RNASE11: variants seen among roughly 807,000 people sequenced by gnomAD.
The protein encoded by RNASE11 is ribonuclease A family member 11 (inactive).
For missense variants in RNASE11, 252 were observed against 237.8 expected (o/e 1.06, Z -0.39); for synonymous variants, 105 against 86.1 (o/e 1.22, Z -1.21).
Position 20,587,506 on chromosome 14 carries a change from T to C in RNASE11, c.-23+57A>G, listed in dbSNP as rs1181825706. The C allele has an allele frequency of 5.3e-5, 48 of 912,332 alleles. 1 individual carries two copies. The highest frequency in any genetic ancestry group is 9.2e-6 in the Non-Finnish European group (7 of 763,328). 56.5% of individuals were successfully genotyped at this position (912,332 alleles called of 1,614,324 possible). A position where few individuals can be genotyped will look rare whatever the true frequency, so the allele number is the denominator to read the frequency against. On this transcript the variant is annotated intron_variant, in intron 1 of 1. Transcript: ENST00000553849. The stretch of plus-strand genomic sequence containing the variant: ...GATGCATTTCATCCACTTCAAAGTT[T>C]TGCCCAAAAAATGATGCTACCAAGG...
At chr14:20,583,750 G>C (rs1045969899) in exon 2 of RNASE11, 1 of 1,084,942 alleles carries the variant, frequency 9.2e-7, no homozygotes, top group Non-Finnish European at 1.3e-6. Flanking sequence ...CACTCCTCCA[G>C]TTAGAATAAA....
intron 1 of RNASE11, among the ~76,000 whole-genome samples, chr14:20,586,126 G>C (rs1884428727): frequency 6.6e-6 from 1 of 152,220 alleles, no homozygotes; most frequent in South Asian, 2.1e-4. Flanking sequence ...GAGCCCAGGA[G>C]CCAATGCTCC....
chr14:20,587,770 A>G (rs1480442920), upstream of RNASE11: 3 of 985,392 alleles, frequency 3.0e-6, no homozygotes, highest in Non-Finnish European at 3.6e-6. Context: ...TTCACTTACG[A>G]TTATCCCCCA....
chr14:20,584,425 T>C (rs773727923), exon 2 of RNASE11: 11 of 1,612,718 alleles, frequency 6.8e-6, no homozygotes, highest in Non-Finnish European at 6.8e-6. Flanking sequence ...TTCTGATGCT[T>C]CTGCAAGAAC....
chr14:20,587,038 A>G (rs1190881053), intron 1 of RNASE11, among the ~76,000 whole-genome samples: 1 of 152,212 alleles, frequency 6.6e-6, no homozygotes, highest in East Asian at 1.9e-4. Flanking sequence ...CTATAGTCCC[A>G]GCCACTCGGG....
At chr14:20,588,628 G>C (rs1157758315), upstream of RNASE11, among the ~76,000 whole-genome samples, 1 of 152,124 alleles carries the variant, frequency 6.6e-6, no homozygotes, top group African/African-American at 2.4e-5. Context: ...CTTTAAAAAA[G>C]ACCCTAAGAG....
chr14:20,587,746 G>A, upstream of RNASE11: 1 of 985,418 alleles, frequency 1.0e-6, no homozygotes, highest in East Asian at 1.1e-4. Flanking sequence ...TACTCACAAG[G>A]TTGCAAACTG....
intron 1 of RNASE11, 144 bp from the exon 3 acceptor site, chr14:20,584,640 AAGACAATC>A (rs1313562024): frequency 1.7e-6 from 1 of 590,858 alleles, no homozygotes; most frequent in Non-Finnish European, 2.8e-6. Context: ...ATATAATAGA[AAGACAATC>A]AGCTGTGGAG....
At chr14:20,589,350 T>A (rs1594474481), upstream of RNASE11, among the ~76,000 whole-genome samples, 3 of 150,218 alleles carry the variant, frequency 2.0e-5, no homozygotes, top group Non-Finnish European at 4.4e-5. Context: ...GCCTCCTGGG[T>A]TCACGCCATT....
upstream of RNASE11, chr14:20,588,004 C>T: frequency 5.3e-6 from 1 of 187,358 alleles, no homozygotes; most frequent in Non-Finnish European, 1.0e-5. Flanking sequence ...GAGTCTCTAG[C>T]TCTCACATAC....
chr14:20,590,223 C>G, upstream of RNASE11: 2 of 1,587,264 alleles, frequency 1.3e-6, no homozygotes, highest in Non-Finnish European at 8.6e-7. Flanking sequence ...GCCTCAGGCA[C>G]AGCCAGCTCC....
At chr14:20,590,214 C>T (rs181447538), upstream of RNASE11, 1,368 of 1,579,470 alleles carry the variant, frequency 8.7e-4, 4 homozygotes, top group Non-Finnish European at 1.0e-3. Flanking sequence ...TCCAGGTCTG[C>T]CTCAGGCACA....
chr14:20,582,896 C>T (rs888255144), downstream of RNASE11: 2 of 152,114 alleles, frequency 1.3e-5, no homozygotes, highest in African/African-American at 4.8e-5. Context: ...ACATAATTTA[C>T]ATACATTTAC....
chr14:20,585,265 C>G (rs1399481039), intron 1 of RNASE11: 1 of 154,464 alleles, frequency 6.5e-6, no homozygotes, highest in Non-Finnish European at 1.4e-5. Context: ...ATGACCTGGG[C>G]AGTACCATTG....
chr14:20,586,386 ACTT>A (rs1884434032), intron 1 of RNASE11, among the ~76,000 whole-genome samples: 2 of 151,960 alleles, frequency 1.3e-5, no homozygotes, highest in African/African-American at 2.4e-5. Context: ...ACTTCTCTGA[ACTT>A]CTTATCATTC....
chr14:20,585,296 T>C (rs1167419440), intron 1 of RNASE11, among the ~76,000 whole-genome samples: 4 of 152,198 alleles, frequency 2.6e-5, no homozygotes, highest in Non-Finnish European at 5.9e-5. Context: ...TGTGAAATAT[T>C]TTCTGTCTAT....
upstream of RNASE11, among the ~76,000 whole-genome samples, chr14:20,589,293 C>T (rs1188054579): frequency 1.3e-5 from 2 of 148,596 alleles, no homozygotes; most frequent in Non-Finnish European, 3.0e-5. Flanking sequence ...CTCACTCTGC[C>T]GCCCCGGCTG....
exon 2 of RNASE11, chr14:20,584,408 T>C (rs1884388425): frequency 3.7e-6 from 6 of 1,613,734 alleles, no homozygotes; most frequent in Non-Finnish European, 5.1e-6. Context: ...ATTATCTTCA[T>C]TGTGCTTTCT....
chr14:20,587,743 A>G (rs188311810), upstream of RNASE11: 69 of 985,470 alleles, frequency 7.0e-5, no homozygotes, highest in East Asian at 5.2e-3. Flanking sequence ...GCCTACTCAC[A>G]AGGTTGCAAA....
Sources: allele counts gnomAD v4.1 joint callset (sites outside exome capture counted in the v4.1 genomes callset), GRCh38; gene constraint gnomAD v4.1.1; transcripts MANE v1.5; gene names NCBI Gene and HGNC (gene_info 2026-07-23, HGNC 2026-07-21).